Variants in FRAS1 observed in about 807,000 individuals in gnomAD.
FRAS1 encodes the protein Fraser extracellular matrix complex subunit 1, also known as extracellular matrix organizing protein FRAS1.
Under a neutral mutation model 435.2 loss-of-function variants are expected in FRAS1, and 290 were observed. That is an observed-to-expected ratio of 0.67 (90% CI 0.61 to 0.73). The LOEUF is 0.73. Ranked by LOEUF, FRAS1 falls within the 30% of genes least tolerant of loss-of-function variation. FRAS1 has a pLI of 0.00. For synonymous variants in FRAS1, 1,800 were observed against 1,851.0 expected (o/e 0.97, Z 0.71); for missense variants, 4,860 against 5,001.5 (o/e 0.97, Z 0.85).
chr4:78,058,036 G>A lies in FRAS1; in HGVS notation c.27G>A (p.Gly9=). ...TGGGTGTCCTCAAAGTGTGGCTCGG[G>A]CTGGCCCTAGCGTTGGCGGAATTTG... MGVLKVWL[G]LALALAEFAV... The change falls in exon 1 of 74, where the codon GGG becomes GGA. Residue 9 remains glycine, a synonymous_variant. Coordinates refer to ENST00000512123, the MANE Select transcript of FRAS1 (RefSeq NM_025074.7). The A allele has an allele frequency of 6.2e-7, 1 of 1,613,978 alleles. No individual in the cohort carries two copies. The highest frequency in any genetic ancestry group is 8.5e-7 in the Non-Finnish European group (1 of 1,179,882).
rs550363275 is a variant in FRAS1, at chr4:78,507,585, C to G, written c.9481C>G (p.Leu3161Val). ...TILDQEAAGS[L>V]ILPAPPIVVT... is the part of the protein sequence containing the mutation. ...TCTAGACCAGGAGGCAGCAGGGAGCCTCATATTGCCAGCACCACCCATTGT... is the reference window on the plus strand; with the variant it reads ...TCTAGACCAGGAGGCAGCAGGGAGCGTCATATTGCCAGCACCACCCATTGT... The change falls in exon 62 of 74, where the codon CTC (leucine) becomes GTC (valine). Residue 3161 changes from leucine (L) to valine (V), a missense_variant. Leu to Val is a conservative substitution (Grantham distance 32). Coordinates refer to ENST00000512123, the MANE Select transcript of FRAS1 (RefSeq NM_025074.7). 8 of 1,601,038 alleles carry G rather than the reference C, an allele frequency of 5.0e-6. No individual in the cohort carries two copies. In the East Asian group the frequency reaches 1.6e-4, roughly 32 times the overall value.
chr4:78,305,507 G>C (rs986089000), intron 14 of FRAS1, among the ~76,000 whole-genome samples: 17 of 148,942 alleles, frequency 1.1e-4, no homozygotes, highest in African/African-American at 4.2e-4. Flanking sequence ...AAGTCTCTTT[G>C]TAGGTCGCTA....
chr4:78,486,002 C>G (rs1720156494), intron 58 of FRAS1, among the ~76,000 whole-genome samples: 1 of 152,180 alleles, frequency 6.6e-6, no homozygotes, highest in Admixed American at 6.5e-5. Context: ...TTTACCTGTT[C>G]TCACCTACCT....
At chr4:78,471,043 G>A (rs112600966) in intron 51 of FRAS1, among the ~76,000 whole-genome samples, 2,505 of 152,296 alleles carry the variant, frequency 0.016, 33 homozygotes, top group Non-Finnish European at 0.026. Context: ...AGAATATCGA[G>A]TGTCTACCAT....
chr4:78,517,620 A>G (rs1298228617), intron 66 of FRAS1, among the ~76,000 whole-genome samples: 1 of 152,238 alleles, frequency 6.6e-6, no homozygotes, highest in Non-Finnish European at 1.5e-5. Flanking sequence ...GTCAATCAAC[A>G]GGCTTGGACA....
intron 14 of FRAS1, among the ~76,000 whole-genome samples, chr4:78,301,488 G>A (rs1200324935): frequency 6.6e-6 from 1 of 152,010 alleles, no homozygotes; most frequent in Non-Finnish European, 1.5e-5. Context: ...GAGTTCTTAA[G>A]ACACATGTGT....
chr4:78,400,539 A>T (rs1202815891), intron 29 of FRAS1, among the ~76,000 whole-genome samples, 195 bp from the exon 30 acceptor site: 2 of 152,218 alleles, frequency 1.3e-5, no homozygotes, highest in Non-Finnish European at 2.9e-5. Flanking sequence ...AGCAGGATAT[A>T]TACATATGTA....
intron 58 of FRAS1, among the ~76,000 whole-genome samples, chr4:78,483,768 C>CTATATATATATATATATATATATA (rs1491536432): frequency 1.1e-3 from 7 of 6,510 alleles, no homozygotes; most frequent in Admixed American, 1.9e-3. Flanking sequence ...AAAAAAAAAA[C>CTATATATATATATATATATATATA]TCTCTCTCTC....
chr4:78,312,599 A>G (rs555928368), intron 15 of FRAS1, among the ~76,000 whole-genome samples: 9 of 152,136 alleles, frequency 5.9e-5, no homozygotes, highest in African/African-American at 1.9e-4. Context: ...GGCCAAGGCA[A>G]GAGGATCTCT....
intron 27 of FRAS1, among the ~76,000 whole-genome samples, chr4:78,381,787 G>T (rs1052276942): frequency 7.2e-5 from 11 of 151,996 alleles, no homozygotes; most frequent in African/African-American, 2.7e-4. Context: ...CCCCTAAATG[G>T]GACAAAGAAT....
intron 19 of FRAS1, among the ~76,000 whole-genome samples, chr4:78,334,251 G>T (rs1188244402): frequency 6.6e-6 from 1 of 151,726 alleles, no homozygotes; most frequent in Non-Finnish European, 1.5e-5. Flanking sequence ...TATTACCCTG[G>T]TGATAGATTC....
chr4:78,529,260 G>T (rs1436701958), intron 70 of FRAS1, among the ~76,000 whole-genome samples: 1 of 152,146 alleles, frequency 6.6e-6, no homozygotes, highest in African/African-American at 2.4e-5. Context: ...GTAGTTGGCT[G>T]CAGTAAGGAA....
intron 20 of FRAS1, among the ~76,000 whole-genome samples, chr4:78,338,368 G>T (rs1012371669): frequency 1.3e-5 from 2 of 151,908 alleles, no homozygotes; most frequent in African/African-American, 4.8e-5. Flanking sequence ...CATCATTTAT[G>T]TTCATCTATC....
chr4:78,123,030 T>C (rs1339778876), intron 2 of FRAS1, among the ~76,000 whole-genome samples: 2 of 152,240 alleles, frequency 1.3e-5, no homozygotes, highest in African/African-American at 2.4e-5. Context: ...CTTTTGGTGT[T>C]TTAGACATGA....
chr4:78,226,053 T>C (rs1230897318), intron 2 of FRAS1, among the ~76,000 whole-genome samples: 1 of 152,222 alleles, frequency 6.6e-6, no homozygotes, highest in East Asian at 1.9e-4. Flanking sequence ...ACACTTTTAC[T>C]ATTCCTTTAG....
At chr4:78,193,692 T>TACAGC (rs1287570353) in intron 2 of FRAS1, among the ~76,000 whole-genome samples, 3 of 152,232 alleles carry the variant, frequency 2.0e-5, no homozygotes, top group Admixed American at 2.0e-4. Context: ...GTTACCTGAA[T>TACAGC]ACAGCACACT....
intron 50 of FRAS1, among the ~76,000 whole-genome samples, chr4:78,467,408 C>CT (rs1719566300): frequency 6.6e-6 from 1 of 152,132 alleles, no homozygotes; most frequent in Admixed American, 6.6e-5. Context: ...GAATCTCATT[C>CT]TTTTTTATGG....
chr4:78,152,617 T>TA (rs1184032791), intron 2 of FRAS1, among the ~76,000 whole-genome samples: 1 of 146,974 alleles, frequency 6.8e-6, no homozygotes, highest in Non-Finnish European at 1.5e-5. Flanking sequence ...CTTTTTTTTT[T>TA]TTTTTTTTTT....
intron 25 of FRAS1, 47 bp from the exon 26 acceptor site, chr4:78,375,692 T>C (rs1187310989): frequency 1.3e-6 from 2 of 1,496,982 alleles, no homozygotes; most frequent in African/African-American, 2.8e-5. Context: ...TCTTTGTCGC[T>C]GGTGTTGCCT....
Sources: gnomAD v4.1 joint callset for allele counts (sites outside exome capture counted in the v4.1 genomes callset) on GRCh38, gnomAD v4.1.1 for gene constraint, MANE v1.5 for transcripts, NCBI Gene and HGNC (gene_info 2026-07-23, HGNC 2026-07-21) for gene names.